Variants in ASCC1 observed in about 807,000 individuals in gnomAD.
The protein encoded by ASCC1 is ASC-1 complex subunit P50.
ASCC1 carries 35 observed loss-of-function variants against 46.6 expected under a neutral mutation model. The ratio of observed to expected loss-of-function variants is 0.75; its 90% CI spans 0.57 to 0.99. The LOEUF (loss-of-function observed/expected upper bound fraction) is 0.99. Among genes scored for constraint, ASCC1 ranks in the 50% least tolerant of loss-of-function variants. ASCC1 has a pLI of 0.00. For missense variants in ASCC1, 376 were observed against 428.7 expected (o/e 0.88, Z 1.09); for synonymous variants, 143 against 146.6 (o/e 0.98, Z 0.18).
intron 5 of ASCC1, among the ~76,000 whole-genome samples, chr10:72,191,421 G>C (rs981151717): frequency 1.3e-5 from 2 of 151,576 alleles, no homozygotes; most frequent in African/African-American, 4.8e-5. Flanking sequence ...TCTTATTAGG[G>C]AGTTATATAT....
intron 1 of ASCC1, among the ~76,000 whole-genome samples, chr10:72,215,000 T>G (rs1354556922): frequency 2.0e-5 from 3 of 152,356 alleles, no homozygotes; most frequent in Middle Eastern, 3.4e-3. Context: ...ACAGGCTAGC[T>G]GAGGTTAAAT....
chr10:72,212,079 G>A (rs538543826), intron 2 of ASCC1: 1 of 153,526 alleles, frequency 6.5e-6, no homozygotes, highest in Admixed American at 6.5e-5. Flanking sequence ...AGCTACTGGG[G>A]AAGCTGAGGC....
intron 6 of ASCC1, among the ~76,000 whole-genome samples, chr10:72,156,009 T>C (rs770672376): frequency 1.1e-4 from 16 of 152,344 alleles, no homozygotes; most frequent in Non-Finnish European, 2.1e-4. Flanking sequence ...GCTGATATAT[T>C]AAATAGTTTG....
chr10:72,198,815 C>G, intron 4 of ASCC1: 1 of 393,078 alleles, frequency 2.5e-6, no homozygotes, highest in Non-Finnish European at 5.0e-6. Context: ...GATCAATAAG[C>G]CAGTTTATTT....
intron 9 of ASCC1, among the ~76,000 whole-genome samples, chr10:72,109,145 C>A (rs375436492): frequency 1.3e-5 from 2 of 152,104 alleles, no homozygotes; most frequent in East Asian, 3.9e-4. Flanking sequence ...TAATGCCCTT[C>A]CAGAAGGCCT....
intron 9 of ASCC1, among the ~76,000 whole-genome samples, chr10:72,124,637 C>T (rs1036161007): frequency 3.3e-5 from 5 of 151,982 alleles, no homozygotes; most frequent in African/African-American, 7.3e-5. Context: ...AGTGAGGGAG[C>T]ATTTACTTCC....
At chr10:72,169,336 A>T (rs1239185009) in intron 5 of ASCC1, among the ~76,000 whole-genome samples, 1 of 152,040 alleles carries the variant, frequency 6.6e-6, no homozygotes. Context: ...GCTACTCAGG[A>T]GGCTGAAGTG....
At chr10:72,177,703 T>C (rs1043757173) in intron 5 of ASCC1, among the ~76,000 whole-genome samples, 2 of 152,228 alleles carry the variant, frequency 1.3e-5, no homozygotes, top group African/African-American at 2.4e-5. Flanking sequence ...AGTGGAATTA[T>C]AGCAGCATTA....
intron 7 of ASCC1, among the ~76,000 whole-genome samples, chr10:72,136,820 G>A (rs184314500): frequency 3.2e-4 from 48 of 149,610 alleles, no homozygotes; most frequent in East Asian, 1.6e-3. Flanking sequence ...AAACAACTCC[G>A]GATGCGCCAC....
At chr10:72,213,566 C>G (rs565936618) in intron 1 of ASCC1, among the ~76,000 whole-genome samples, 1 of 141,424 alleles carries the variant, frequency 7.1e-6, no homozygotes, top group Non-Finnish European at 1.5e-5. Context: ...TATTTATCAC[C>G]CCCCCCCCAA....
At chr10:72,193,108 T>G (rs1052100492) in intron 5 of ASCC1, among the ~76,000 whole-genome samples, 3 of 152,186 alleles carry the variant, frequency 2.0e-5, no homozygotes, top group African/African-American at 7.2e-5. Flanking sequence ...ACACCTACCA[T>G]ACATCACAGC....
At chr10:72,167,153 T>C in intron 5 of ASCC1, among the ~76,000 whole-genome samples, 1 of 152,190 alleles carries the variant, frequency 6.6e-6, no homozygotes, top group Non-Finnish European at 1.5e-5. Flanking sequence ...GATGTGTACA[T>C]GAAATCTCAC....
intron 3 of ASCC1, among the ~76,000 whole-genome samples, chr10:72,210,376 T>A (rs1346947350): frequency 6.6e-6 from 1 of 152,052 alleles, no homozygotes; most frequent in Admixed American, 6.6e-5. Flanking sequence ...ACCAGGCTGG[T>A]CTTGAACTTC....
rs115252575 is a variant in ASCC1 at position 72,185,380 on chromosome 10, A to T, written c.489+11431T>A. The stretch of plus-strand genomic sequence containing the variant: ...ATCCAAACATCTATCAGAGTTGAAT[A>T]GATAAAGAAATCTCCAGCTATAAAC... On this transcript the variant is annotated intron_variant, in intron 5 of 9. Transcript: ENST00000672957. Among the ~76,000 whole-genome samples the T allele has an allele frequency of 3.3e-3, 504 of 152,376 alleles. 5 individuals carry two copies. Among genetic ancestry groups the T allele is most frequent in the African/African-American group, 0.012 (484 of 41,592 alleles).
chr10:72,213,672 C>G (rs1397860822), intron 1 of ASCC1, among the ~76,000 whole-genome samples: 1 of 150,220 alleles, frequency 6.7e-6, no homozygotes, highest in Non-Finnish European at 1.5e-5. Flanking sequence ...CTTTGGGAGG[C>G]CAAGGTGGGA....
In ASCC1 at chr10:72,213,172, A is replaced by G. The variant is rs1276297301; in HGVS notation, c.112+15T>C. The G allele has an allele frequency of 6.4e-7, 1 of 1,559,126 alleles. No individual in the cohort carries two copies. Among genetic ancestry groups the G allele is most frequent in the Non-Finnish European group, 8.8e-7 (1 of 1,130,804 alleles). ...CATTTTACTTCTTATCTGACCAAAG[A>G]GCAACTAGGATTACCTTGATAGAAG... On this transcript the variant is annotated intron_variant, in intron 2 of 9. Transcript: ENST00000672957.
At chr10:72,177,226 T>C (rs1378027107) in intron 5 of ASCC1, among the ~76,000 whole-genome samples, 1 of 152,208 alleles carries the variant, frequency 6.6e-6, no homozygotes, top group Non-Finnish European at 1.5e-5. Flanking sequence ...CTTTTCTTAC[T>C]TTCCTACCCA....
chr10:72,167,897 C>T (rs1245968750), intron 5 of ASCC1, among the ~76,000 whole-genome samples: 1 of 152,098 alleles, frequency 6.6e-6, no homozygotes, highest in East Asian at 1.9e-4. Context: ...CTGAAGCTAC[C>T]ACACCTGGCT....
intron 9 of ASCC1, among the ~76,000 whole-genome samples, chr10:72,103,558 T>C (rs944590317): frequency 2.0e-5 from 3 of 152,104 alleles, no homozygotes; most frequent in Non-Finnish European, 4.4e-5. Flanking sequence ...ACCTTGGCAT[T>C]TGAGCAAACA....
Sources: allele counts gnomAD v4.1 joint callset (sites outside exome capture counted in the v4.1 genomes callset), GRCh38; gene constraint gnomAD v4.1.1; transcripts MANE v1.5; gene names NCBI Gene and HGNC (gene_info 2026-07-23, HGNC 2026-07-21).